ARMH4: variants seen among roughly 807,000 people sequenced by gnomAD.
The protein encoded by ARMH4 is armadillo like helical domain containing 4.
ARMH4 carries 49 observed loss-of-function variants against 61.9 expected under a neutral mutation model. The ratio of observed to expected loss-of-function variants is 0.79; its 90% CI spans 0.63 to 1.00. The LOEUF is 1.00. ARMH4 is among the 50% of genes least tolerant of loss of function. The pLI is 0.00. For synonymous variants in ARMH4, 368 were observed against 341.5 expected, an observed-to-expected ratio of 1.08 and a Z score of -0.85; for missense variants, 934 against 930.0, an observed-to-expected ratio of 1.00 and a Z score of -0.06.
At chr14:58,111,669 G>A (rs1886356377) in intron 4 of ARMH4, among the ~76,000 whole-genome samples, 1 of 150,392 alleles carries the variant, frequency 6.6e-6, no homozygotes, top group South Asian at 2.1e-4. Context: ...AGTGTCTCTT[G>A]TTCTTCTTCC....
chr14:58,066,819 G>A (rs560011054), intron 5 of ARMH4, among the ~76,000 whole-genome samples: 80 of 152,196 alleles, frequency 5.3e-4, no homozygotes, highest in African/African-American at 1.8e-3. Flanking sequence ...TACACTAACC[G>A]CAAGACTTAC....
At chr14:58,106,275 T>C (rs1169324528) in intron 4 of ARMH4, among the ~76,000 whole-genome samples, 1 of 152,094 alleles carries the variant, frequency 6.6e-6, no homozygotes, top group Non-Finnish European at 1.5e-5. Flanking sequence ...TGCTAGCATG[T>C]CCACTGTCAA....
chr14:58,059,781 C>T (rs1276043496), intron 5 of ARMH4, among the ~76,000 whole-genome samples: 1 of 152,160 alleles, frequency 6.6e-6, no homozygotes. Context: ...AAAAATTTTA[C>T]ACTCTTGTTC....
intron 5 of ARMH4, among the ~76,000 whole-genome samples, chr14:58,034,175 G>C (rs1342155186): frequency 7.3e-6 from 1 of 137,384 alleles, no homozygotes; most frequent in East Asian, 2.1e-4. Context: ...TACCCTCAAA[G>C]GAAAGCCCAT....
chr14:58,077,211 A>G (rs1221904228), intron 5 of ARMH4, among the ~76,000 whole-genome samples: 1 of 152,244 alleles, frequency 6.6e-6, no homozygotes, highest in Non-Finnish European at 1.5e-5. Context: ...CACTGGTTAC[A>G]AAAGGGTGGT....
chr14:58,131,774 T>G (rs1010961953), intron 3 of ARMH4, 53 bp from the exon 4 acceptor site: 14 of 1,519,590 alleles, frequency 9.2e-6, no homozygotes, highest in Middle Eastern at 2.3e-4. Context: ...TTATGGCAAA[T>G]GTAAGCATGT....
chr14:58,106,353 TCAGA>T (rs916017023), intron 4 of ARMH4, among the ~76,000 whole-genome samples: 1 of 152,214 alleles, frequency 6.6e-6, no homozygotes, highest in African/African-American at 2.4e-5. Context: ...ACTTAGGTGT[TCAGA>T]CAGTTAGATG....
At chr14:58,053,934 A>G (rs1884232629) in intron 5 of ARMH4, among the ~76,000 whole-genome samples, 1 of 152,182 alleles carries the variant, frequency 6.6e-6, no homozygotes, top group Non-Finnish European at 1.5e-5. Flanking sequence ...ATTCTATCAC[A>G]TGCTGGATTT....
intron 4 of ARMH4, among the ~76,000 whole-genome samples, chr14:58,113,087 T>A (rs1321762200): frequency 6.6e-6 from 1 of 152,176 alleles, no homozygotes; most frequent in Non-Finnish European, 1.5e-5. Flanking sequence ...ATATTCTTTT[T>A]TAAAAAAGCA....
intron 5 of ARMH4, among the ~76,000 whole-genome samples, chr14:58,073,584 A>G (rs1459143658): frequency 1.3e-5 from 2 of 152,150 alleles, no homozygotes; most frequent in Non-Finnish European, 2.9e-5. Context: ...GGATGGGTTT[A>G]TTTACTTCAC....
chr14:58,055,911 A>G (rs1294231104), intron 5 of ARMH4, among the ~76,000 whole-genome samples: 4 of 152,288 alleles, frequency 2.6e-5, no homozygotes, highest in Admixed American at 2.6e-4. Flanking sequence ...AATGTACAAA[A>G]TATGATTCAA....
chr14:58,111,209 T>C (rs1292249215), intron 4 of ARMH4, among the ~76,000 whole-genome samples: 1 of 152,144 alleles, frequency 6.6e-6, no homozygotes, highest in Non-Finnish European at 1.5e-5. Flanking sequence ...TTTTAACAAA[T>C]TGAATACAAT....
chr14:58,090,968 C>A (rs1386261022), intron 5 of ARMH4, among the ~76,000 whole-genome samples: 1 of 151,392 alleles, frequency 6.6e-6, no homozygotes. Context: ...GTAATCCCAG[C>A]ACTTTGGGAG....
intron 5 of ARMH4, among the ~76,000 whole-genome samples, chr14:58,014,028 AAAAGAAAG>A (rs34882144): frequency 6.7e-6 from 1 of 150,222 alleles, no homozygotes; most frequent in Admixed American, 6.6e-5. Flanking sequence ...CATCTCAAAA[AAAAGAAAG>A]AAAGAAAGAA....
chr14:58,038,652 A>G (rs906263152), intron 5 of ARMH4, among the ~76,000 whole-genome samples: 7 of 152,092 alleles, frequency 4.6e-5, no homozygotes, highest in Non-Finnish European at 1.0e-4. Flanking sequence ...GTACTATCTG[A>G]TTAAATAAAA....
At chr14:58,079,088 C>T (rs538380125) in intron 5 of ARMH4, among the ~76,000 whole-genome samples, 2 of 152,210 alleles carry the variant, frequency 1.3e-5, no homozygotes, top group South Asian at 2.1e-4. Context: ...ACCTGTGGCA[C>T]ACCCTTAGGC....
chr14:58,054,259 T>C (rs901269397), intron 5 of ARMH4, among the ~76,000 whole-genome samples: 2 of 152,020 alleles, frequency 1.3e-5, no homozygotes, highest in African/African-American at 2.4e-5. Context: ...GTGTGAATGA[T>C]CACATAAACC....
intron 5 of ARMH4, among the ~76,000 whole-genome samples, chr14:58,015,488 C>T (rs1372495091): frequency 3.3e-5 from 5 of 152,086 alleles, no homozygotes; most frequent in African/African-American, 7.2e-5. Flanking sequence ...CTCAGGTATC[C>T]GCCAGGGTCC....
chr14:58,050,094 G>A (rs1884085873), intron 5 of ARMH4, among the ~76,000 whole-genome samples: 1 of 152,118 alleles, frequency 6.6e-6, no homozygotes, highest in African/African-American at 2.4e-5. Context: ...TTTGTCTATG[G>A]TGCACATCTG....
Sources: gnomAD v4.1 joint callset for allele counts (sites outside exome capture counted in the v4.1 genomes callset) on GRCh38, gnomAD v4.1.1 for gene constraint, MANE v1.5 for transcripts, NCBI Gene and HGNC (gene_info 2026-07-23, HGNC 2026-07-21) for gene names.